DNMT3A: variants seen among roughly 807,000 people sequenced by gnomAD.
DNMT3A encodes the protein DNA methyltransferase 3 alpha, also known as DNA (cytosine-5)-methyltransferase 3A.
Under a neutral mutation model 117.6 loss-of-function variants are expected in DNMT3A, and 267 were observed. The ratio of observed to expected loss-of-function variants is 2.27; its 90% CI spans 2.05 to 2.51. The LOEUF is 2.51. DNMT3A is among the 30% of genes most tolerant of loss of function. DNMT3A has a pLI of 0.00. For missense variants in DNMT3A, 1,029 were observed against 1,260.2 expected, an observed-to-expected ratio of 0.82 and a Z score of 2.78; for synonymous variants, 432 against 474.8, an observed-to-expected ratio of 0.91 and a Z score of 1.17.
At chr2:25,261,496 A>G (rs1299450258) in intron 6 of DNMT3A, among the ~76,000 whole-genome samples, 1 of 146,024 alleles carries the variant, frequency 6.8e-6, no homozygotes, top group East Asian at 2.0e-4. Flanking sequence ...AATCCCAGCT[A>G]CTTGGGAGGC....
intron 1 of DNMT3A, among the ~76,000 whole-genome samples, chr2:25,318,698 C>CTTTTTTTTTTTTT (rs375722790): frequency 4.5e-5 from 6 of 132,264 alleles, no homozygotes; most frequent in Admixed American, 7.6e-5. Context: ...TTTTTCTTTT[C>CTTTTTTTTTTTTT]TTTTTTTTTT....
At chr2:25,255,293 G>C (rs778115048) in intron 6 of DNMT3A, among the ~76,000 whole-genome samples, 2 of 152,212 alleles carry the variant, frequency 1.3e-5, no homozygotes, top group Admixed American at 1.3e-4. Context: ...ACATGCTCTT[G>C]AGCTTCCAAA....
chr2:25,267,014 G>A (rs1368775050), intron 6 of DNMT3A, among the ~76,000 whole-genome samples: 1 of 152,066 alleles, frequency 6.6e-6, no homozygotes, highest in East Asian at 1.9e-4. Flanking sequence ...CAACATAAAT[G>A]GCCACCAATA....
chr2:25,281,145 C>T lies in DNMT3A; in HGVS notation c.448+1296G>A, dbSNP rs1488455416. Among the ~76,000 whole-genome samples, 1 of 152,154 alleles carries T rather than the reference C, an allele frequency of 6.6e-6. No homozygotes were observed. The highest frequency in any genetic ancestry group is 2.4e-5 in the African/African-American group (1 of 41,424). On this transcript the variant is annotated intron_variant, in intron 4 of 22. Transcript: ENST00000321117. This position sits in a 1 kb window ranked among gnomAD's most constrained non-coding sequence, Gnocchi z 4.8. ...AAGTATCAGAATATGTGCAAGAGGC[C>T]TAGACAATTCAGGACCCGTCTCCGC...
Position 25,229,535 on chromosome 2 carries a change from G to A in DNMT3A, c.*4744C>T, listed in dbSNP as rs529483708. The A allele has an allele frequency of 3.9e-5, 6 of 152,372 alleles. No individual in the cohort carries two copies. Among genetic ancestry groups the A allele is most frequent in the African/African-American group, 1.2e-4 (5 of 41,568 alleles). 9.4% of individuals were successfully genotyped at this position (152,372 alleles called of 1,614,324 possible). ...GACAAACTCAGATTACTCACCTCCC[G>A]GGACCAAAACAGGGGCCTGGCTAGA... On this transcript the variant is annotated 3_prime_UTR_variant, in exon 23 of 23. Coordinates refer to ENST00000321117, the MANE Select transcript of DNMT3A (RefSeq NM_022552.5).
intron 22 of DNMT3A, among the ~76,000 whole-genome samples, chr2:25,235,034 C>T (rs1558652066): frequency 6.6e-6 from 1 of 152,144 alleles, no homozygotes; most frequent in Non-Finnish European, 1.5e-5. Context: ...GGTGTTGAGG[C>T]TGCGAGGTCT....
In DNMT3A at chr2:25,237,015, A is replaced by G; in HGVS notation, c.2409-10T>C. 6.2e-7 allele frequency: 1 copy of G among 1,613,438 alleles called. No homozygotes were observed. Among genetic ancestry groups the G allele is most frequent in the Non-Finnish European group, 8.5e-7 (1 of 1,179,890 alleles). ...AGTGGATGCCAACGGCCTAGGAGGC[A>G]GAAGAGAGACTGTAACAACAGAAAC... is the stretch of plus-strand genomic sequence containing the variant. On this transcript the variant is annotated splice_polypyrimidine_tract_variant and intron_variant, in intron 20 of 22. Transcript: ENST00000321117. This position sits in a 1 kb window ranked among gnomAD's most constrained non-coding sequence, Gnocchi z 5.4.
At chr2:25,249,559 C>T (rs1675263295) in intron 6 of DNMT3A, 7 of 1,337,466 alleles carry the variant, frequency 5.2e-6, no homozygotes, top group South Asian at 1.2e-5. Context: ...ATTTACTGAG[C>T]AGGCACTATA....
intron 1 of DNMT3A, among the ~76,000 whole-genome samples, chr2:25,321,997 T>C (rs1348673924): frequency 1.3e-5 from 2 of 152,134 alleles, no homozygotes; most frequent in Non-Finnish European, 2.9e-5. Context: ...ATCTACTAAA[T>C]AGGAAATCAA....
At position 25,237,785 on chromosome 2, in the gene DNMT3A, CTT is replaced by C. The variant is rs1461783719; in HGVS notation, c.2409-782_2409-781del. On this transcript the variant is annotated intron_variant, in intron 20 of 22. Transcript: ENST00000321117. The surrounding 1 kb of genome is among the most constrained non-coding windows in gnomAD (Gnocchi z 5.4). ...GTCTCCAAAAAAAAAAAAAACCAGA[CTT>C]AAATTCTGCAGTTCCCTAAAGACCA... 7.2e-5 allele frequency among the ~76,000 whole-genome samples: 11 copies of C among 151,836 alleles called. No homozygotes were observed. Among genetic ancestry groups the C allele is most frequent in the African/African-American group, 1.9e-4 (8 of 41,354 alleles).
intron 6 of DNMT3A, among the ~76,000 whole-genome samples, chr2:25,262,085 G>A (rs1417271021): frequency 6.6e-6 from 1 of 151,474 alleles, no homozygotes; most frequent in Non-Finnish European, 1.5e-5. Flanking sequence ...ACCTACTCGG[G>A]AGGCTGAGGC....
intron 2 of DNMT3A, among the ~76,000 whole-genome samples, chr2:25,300,735 ATATATATATATATATATATATATATATAT>A (rs1325434973): frequency 2.6e-5 from 1 of 37,984 alleles, no homozygotes; most frequent in Non-Finnish European, 4.8e-5. Context: ...ATATATATAT[ATATATATATATATATATATATATATATAT>A]ATATAAATAA....
chr2:25,300,331 C>T, intron 2 of DNMT3A, 88 bp from the exon 3 acceptor site: 1 of 1,438,592 alleles, frequency 7.0e-7, no homozygotes, highest in Non-Finnish European at 9.4e-7. Flanking sequence ...CCTGGCTTCC[C>T]TTCCAGCCCC....
chr2:25,292,708 A>G (rs561105957), intron 3 of DNMT3A, among the ~76,000 whole-genome samples: 12 of 152,172 alleles, frequency 7.9e-5, no homozygotes, highest in African/African-American at 2.9e-4. Flanking sequence ...CCCTTGATCA[A>G]TTTAGTGCCC....
chr2:25,313,585 C>T (rs551993202), intron 2 of DNMT3A, among the ~76,000 whole-genome samples: 10 of 152,198 alleles, frequency 6.6e-5, no homozygotes, highest in African/African-American at 9.7e-5. Context: ...TAGTAAGAGG[C>T]GGGTCCGAGA....
chr2:25,338,149 T>TGTGACTGGCAC (rs1439160557), intron 1 of DNMT3A, among the ~76,000 whole-genome samples: 5 of 152,092 alleles, frequency 3.3e-5, no homozygotes, highest in Non-Finnish European at 7.4e-5. Context: ...GGGAGAGGCA[T>TGTGACTGGCAC]GTGACTGGCA....
intron 1 of DNMT3A, among the ~76,000 whole-genome samples, chr2:25,340,103 G>A (rs1345071440): frequency 6.6e-6 from 1 of 152,222 alleles, no homozygotes; most frequent in East Asian, 1.9e-4. Context: ...GTTTGGAGGG[G>A]GGGTAGCTGC....
intron 1 of DNMT3A, among the ~76,000 whole-genome samples, chr2:25,333,975 C>T (rs1040884172): frequency 6.6e-6 from 1 of 152,222 alleles, no homozygotes; most frequent in Non-Finnish European, 1.5e-5. Flanking sequence ...GCACATCTGT[C>T]CCCTACCAGC....
chr2:25,245,132 A>G, intron 13 of DNMT3A, 121 bp downstream of exon 13: 2 of 877,728 alleles, frequency 2.3e-6, no homozygotes, highest in Non-Finnish European at 3.6e-6. Flanking sequence ...GAAGCTCTGA[A>G]GTCTACATCA....
Sources: allele counts gnomAD v4.1 joint callset (sites outside exome capture counted in the v4.1 genomes callset), GRCh38; gene constraint gnomAD v4.1.1; non-coding constraint Gnocchi (gnomAD v3.1); transcripts MANE v1.5; gene names NCBI Gene and HGNC (gene_info 2026-07-23, HGNC 2026-07-21).